LRRN3: variants seen among roughly 807,000 people sequenced by gnomAD.
The protein encoded by LRRN3 is leucine rich repeat neuronal 3, also known as leucine-rich repeat neuronal protein 3.
In LRRN3, 15 loss-of-function variants were observed where a neutral mutation model predicts 40.1. The ratio of observed to expected loss-of-function variants is 0.37; its 90% CI spans 0.25 to 0.58. The LOEUF is 0.58. LRRN3 is among the 20% of genes least tolerant of loss of function. The probability of loss-of-function intolerance (pLI) is 0.72; values close to 1 mark genes in which losing one functional copy is unlikely to be tolerated. For missense variants in LRRN3, 746 were observed against 837.7 expected, an observed-to-expected ratio of 0.89 and a Z score of 1.35; for synonymous variants, 308 against 297.2, an observed-to-expected ratio of 1.04 and a Z score of -0.37.
intron 1 of LRRN3, among the ~76,000 whole-genome samples, chr7:111,091,869 A>C (rs1380588916): frequency 6.6e-6 from 1 of 151,922 alleles, no homozygotes; most frequent in Non-Finnish European, 1.5e-5. Flanking sequence ...GGAAGAGAGA[A>C]GACAGAGAGG....
intron 1 of LRRN3, among the ~76,000 whole-genome samples, chr7:111,093,089 T>C (rs1797033491): frequency 6.6e-6 from 1 of 152,192 alleles, no homozygotes; most frequent in South Asian, 2.1e-4. Context: ...AAGAAGTCAA[T>C]TAATTCCAGT....
chr7:111,113,611 C>A (rs751174925), intron 2 of LRRN3, among the ~76,000 whole-genome samples: 1 of 151,476 alleles, frequency 6.6e-6, no homozygotes, highest in Non-Finnish European at 1.5e-5. Flanking sequence ...ATTTGGCTAT[C>A]TTCCAATAAA....
intron 2 of LRRN3, among the ~76,000 whole-genome samples, chr7:111,113,531 T>TC (rs1395431559): frequency 6.6e-6 from 1 of 152,174 alleles, no homozygotes; most frequent in African/African-American, 2.4e-5. Flanking sequence ...TTTATTTTTT[T>TC]CTTTTAACTA....
chr7:111,107,939 G>A (rs2129582018), intron 2 of LRRN3, among the ~76,000 whole-genome samples: 1 of 152,108 alleles, frequency 6.6e-6, no homozygotes, highest in African/African-American at 2.4e-5. Context: ...CTGAAATTTT[G>A]CACCAAAAAT....
chr7:111,119,829 A>T (rs117530699), intron 2 of LRRN3, among the ~76,000 whole-genome samples: 2,745 of 152,304 alleles, frequency 0.018, 32 homozygotes, highest in Middle Eastern at 0.031. Flanking sequence ...GAAGGAAAGG[A>T]TCAAGGAAAT....
intron 1 of LRRN3, chr7:111,097,367 G>A (rs1797512129): frequency 6.6e-6 from 1 of 151,832 alleles, no homozygotes; most frequent in African/African-American, 2.4e-5. Flanking sequence ...ACATTTAAGA[G>A]ACTTCGTTTT....
chr7:111,115,172 A>G (rs971511055), intron 2 of LRRN3, among the ~76,000 whole-genome samples: 1 of 152,232 alleles, frequency 6.6e-6, no homozygotes, highest in Non-Finnish European at 1.5e-5. Flanking sequence ...AAATCAGGCA[A>G]TCAAACTCCA....
At chr7:111,114,641 C>T (rs1799639609) in intron 2 of LRRN3, among the ~76,000 whole-genome samples, 1 of 149,100 alleles carries the variant, frequency 6.7e-6, no homozygotes, top group South Asian at 2.1e-4. Context: ...GAGGCTGAGG[C>T]AGGAGAATTG....
chr7:111,106,500 T>C (rs933854964), intron 2 of LRRN3, among the ~76,000 whole-genome samples: 4 of 151,788 alleles, frequency 2.6e-5, no homozygotes, highest in African/African-American at 9.7e-5. Flanking sequence ...ATATGTCTTC[T>C]ACCATCACCA....
intron 1 of LRRN3, 130 bp downstream of exon 1, chr7:111,091,634 T>C (rs1220508447): frequency 6.6e-6 from 1 of 152,222 alleles, no homozygotes; most frequent in Non-Finnish European, 1.5e-5. Flanking sequence ...TTTTCTTTTA[T>C]TGCACTTTTG....
intron 2 of LRRN3, among the ~76,000 whole-genome samples, chr7:111,101,575 GAATT>G (rs1162208186): frequency 2.0e-5 from 3 of 151,170 alleles, no homozygotes; most frequent in African/African-American, 7.3e-5. Flanking sequence ...ACAATCGTTC[GAATT>G]AATACAGAAT....
chr7:111,107,980 G>T (rs1798739368), intron 2 of LRRN3, among the ~76,000 whole-genome samples: 1 of 152,068 alleles, frequency 6.6e-6, no homozygotes, highest in African/African-American at 2.4e-5. Flanking sequence ...AGCAGATATT[G>T]TCTTGATTTG....
At position 111,117,843 on chromosome 7, in the gene LRRN3, T is replaced by G. The variant is rs372970318; in HGVS notation, c.-358-4572T>G. ...TTTTTTTCTTCACCAATTTTTCAACTTAAGTATCAAAATGTTTCTTTTCCT... is the reference window on the plus strand; with the variant it reads ...TTTTTTTCTTCACCAATTTTTCAACGTAAGTATCAAAATGTTTCTTTTCCT... On this transcript the variant is annotated intron_variant, in intron 2 of 2. Transcript: ENST00000308478. Among the ~76,000 whole-genome samples the G allele has an allele frequency of 1.8e-3, 275 of 152,246 alleles. 1 individual carries two copies. Among genetic ancestry groups the G allele is most frequent in the African/African-American group, 6.5e-3 (270 of 41,576 alleles).
intron 2 of LRRN3, among the ~76,000 whole-genome samples, chr7:111,107,676 C>G (rs542726274): frequency 6.6e-6 from 1 of 152,084 alleles, no homozygotes; most frequent in East Asian, 1.9e-4. Flanking sequence ...ACAATAGATG[C>G]GTTTCATGCT....
chr7:111,099,846 GGTTT>G (rs1797783412), intron 1 of LRRN3, 31 bp from the exon 2 acceptor site: 1 of 151,530 alleles, frequency 6.6e-6, no homozygotes, highest in Non-Finnish European at 1.5e-5. Context: ...AAACTTTTGG[GGTTT>G]TTTTCCTGCT....
At chr7:111,113,597 G>C (rs1195216577) in intron 2 of LRRN3, among the ~76,000 whole-genome samples, 3 of 151,812 alleles carry the variant, frequency 2.0e-5, no homozygotes, top group Non-Finnish European at 2.9e-5. Flanking sequence ...TTCAAAGACA[G>C]GATATTTGGC....
chr7:111,119,371 A>C (rs2129586993), intron 2 of LRRN3, among the ~76,000 whole-genome samples: 1 of 152,324 alleles, frequency 6.6e-6, no homozygotes, highest in Non-Finnish European at 1.5e-5. Flanking sequence ...CTGAAATTTT[A>C]CTAAAGAAAT....
At chr7:111,099,401 C>G (rs1010323220) in intron 1 of LRRN3, among the ~76,000 whole-genome samples, 3 of 151,680 alleles carry the variant, frequency 2.0e-5, no homozygotes, top group African/African-American at 7.3e-5. Context: ...TATGAATAAG[C>G]TGCTAGCCCT....
At chr7:111,115,777 C>T (rs983338515) in intron 2 of LRRN3, among the ~76,000 whole-genome samples, 3 of 152,124 alleles carry the variant, frequency 2.0e-5, no homozygotes, top group East Asian at 1.9e-4. Context: ...CAGCGATTCT[C>T]GTGCCTCAGC....
Sources: allele counts gnomAD v4.1 joint callset (sites outside exome capture counted in the v4.1 genomes callset), GRCh38; gene constraint gnomAD v4.1.1; transcripts MANE v1.5; gene names NCBI Gene and HGNC (gene_info 2026-07-23, HGNC 2026-07-21).